The following NFS1 variants were observed in gnomAD, a reference collection of about 807,000 sequenced individuals.
The protein encoded by NFS1 is cysteine desulfurase.
Under a neutral mutation model 57.3 loss-of-function variants are expected in NFS1, and 26 were observed. The ratio of observed to expected loss-of-function variants is 0.45; its 90% CI spans 0.33 to 0.63. The LOEUF is 0.63. Ranked by LOEUF, NFS1 falls within the 20% of genes least tolerant of loss-of-function variation. The pLI is 0.02. For missense variants in NFS1, 505 were observed against 605.8 expected (o/e 0.83, Z 1.75); for synonymous variants, 209 against 216.3 (o/e 0.97, Z 0.30).
In NFS1 at chr20:35,669,584, G is replaced by A; in HGVS notation, c.*38C>T. ...GGTTGTGCACGGGTTGGTGAGGCAG[G>A]AGGGGCCAGACCAGCACAAAGTCAG... On this transcript the variant is annotated 3_prime_UTR_variant, in exon 13 of 13. Coordinates refer to ENST00000374092, the MANE Select transcript of NFS1 (RefSeq NM_021100.5). The A allele has an allele frequency of 6.3e-7, 1 of 1,599,878 alleles. No individual in the cohort carries two copies. Among genetic ancestry groups the A allele is most frequent in the Non-Finnish European group, 8.6e-7 (1 of 1,167,106 alleles).
At chr20:35,686,315 A>C (rs1451137787) in intron 5 of NFS1, among the ~76,000 whole-genome samples, 1 of 143,726 alleles carries the variant, frequency 7.0e-6, no homozygotes, top group African/African-American at 2.6e-5. Context: ...ATGCCATTGC[A>C]CTCCAGCCTG....
chr20:35,685,155 G>C (rs1012037856), intron 5 of NFS1, among the ~76,000 whole-genome samples: 2 of 150,936 alleles, frequency 1.3e-5, no homozygotes, highest in African/African-American at 2.5e-5. Flanking sequence ...CAAAGTGCTG[G>C]GATTATAGGC....
chr20:35,682,395 C>T (rs565098435), intron 5 of NFS1, among the ~76,000 whole-genome samples: 6 of 152,334 alleles, frequency 3.9e-5, no homozygotes, highest in African/African-American at 1.2e-4. Flanking sequence ...AGACGATTTT[C>T]GTACATCCAT....
chr20:35,676,855 G>A (rs1435944655), intron 7 of NFS1, among the ~76,000 whole-genome samples: 3 of 144,806 alleles, frequency 2.1e-5, no homozygotes, highest in Non-Finnish European at 3.0e-5. Context: ...GCAGACTTTT[G>A]TCTGTGCCTT....
intron 5 of NFS1, among the ~76,000 whole-genome samples, chr20:35,687,157 C>T (rs2034959130): frequency 6.6e-6 from 1 of 152,134 alleles, no homozygotes; most frequent in South Asian, 2.1e-4. Context: ...AAGGGAATCC[C>T]CCTTTCCCCG....
At chr20:35,698,656 A>C in intron 1 of NFS1, 66 bp from the exon 2 acceptor site, 1 of 1,508,824 alleles carries the variant, frequency 6.6e-7, no homozygotes, top group Non-Finnish European at 8.9e-7. Flanking sequence ...TGGCATCCAA[A>C]GGGCAGAAGG....
chr20:35,685,842 G>C, intron 5 of NFS1, among the ~76,000 whole-genome samples: 1 of 133,882 alleles, frequency 7.5e-6, no homozygotes, highest in African/African-American at 2.8e-5. Flanking sequence ...TGGGCAACAA[G>C]AGCGAAATTC....
intron 4 of NFS1, among the ~76,000 whole-genome samples, chr20:35,694,409 T>G (rs1406819341): frequency 1.3e-5 from 2 of 152,232 alleles, no homozygotes; most frequent in East Asian, 3.9e-4. Flanking sequence ...CCTCCCAAAG[T>G]GCTGGGATTA....
At chr20:35,679,230 C>T (rs953120666) in intron 7 of NFS1, among the ~76,000 whole-genome samples, 3 of 152,132 alleles carry the variant, frequency 2.0e-5, no homozygotes, top group South Asian at 4.1e-4. Flanking sequence ...TCTCGCCTGT[C>T]GCCCAGGCAG....
chr20:35,684,934 G>A (rs2034913088), intron 5 of NFS1, among the ~76,000 whole-genome samples: 2 of 150,762 alleles, frequency 1.3e-5, no homozygotes, highest in South Asian at 4.2e-4. Flanking sequence ...GTTTCCCAAG[G>A]TGGAGTGCAG....
rs145260730 is a variant in NFS1, at chr20:35,681,919, C to A, written c.624G>T (p.Glu208Asp). 32 of 1,612,852 alleles carry A rather than the reference C, an allele frequency of 2.0e-5. No individual in the cohort carries two copies. The highest frequency in any genetic ancestry group is 2.5e-5 in the Non-Finnish European group (30 of 1,179,020). ...SLVSVMTVNN[E>D]IGVKQPIAEI... The stretch of plus-strand genomic sequence containing the variant: ...CTGCAATAGGCTGCTTCACTCCAAT[C>A]TCATTGTTCACAGTCATGACTGACA... The change falls in exon 6 of 13, where the codon GAG (glutamate) becomes GAT (aspartate). Residue 208 changes from glutamate to aspartate, a missense_variant. Coordinates refer to ENST00000374092, the MANE Select transcript of NFS1 (RefSeq NM_021100.5).
intron 8 of NFS1, 26 bp downstream of exon 8, chr20:35,675,019 G>T (rs368538248): frequency 1.5e-5 from 24 of 1,613,666 alleles, no homozygotes; most frequent in Non-Finnish European, 2.0e-5. Flanking sequence ...GGAAGAAGTT[G>T]TGGGAGGGAA....
chr20:35,673,969 G>A (rs921386163), intron 10 of NFS1: 9 of 449,614 alleles, frequency 2.0e-5, no homozygotes, highest in Non-Finnish European at 3.7e-5. Context: ...AGACGCAGCA[G>A]AGGACCATGT....
chr20:35,679,528 T>A (rs768228759), intron 7 of NFS1, among the ~76,000 whole-genome samples: 5 of 152,152 alleles, frequency 3.3e-5, no homozygotes, highest in Admixed American at 6.5e-5. Context: ...AGGCACATGA[T>A]GAAGAATGGG....
At chr20:35,691,574 C>G (rs1263512128) in intron 4 of NFS1, among the ~76,000 whole-genome samples, 7 of 150,464 alleles carry the variant, frequency 4.7e-5, no homozygotes. Context: ...AACCCCATCT[C>G]TACTAAAAAT....
At chr20:35,682,033 A>AT in intron 5 of NFS1, 52 bp from the exon 6 acceptor site, 1 of 1,041,704 alleles carries the variant, frequency 9.6e-7, no homozygotes, top group Non-Finnish European at 1.5e-6. Flanking sequence ...AAGTCCTCCT[A>AT]AATCAGAATA....
chr20:35,696,271 G>T (rs775703071), intron 4 of NFS1, 106 bp downstream of exon 4: 9 of 769,928 alleles, frequency 1.2e-5, no homozygotes, highest in Admixed American at 7.4e-5. Flanking sequence ...TCACAATGGG[G>T]TGGGGATGGA....
intron 5 of NFS1, among the ~76,000 whole-genome samples, chr20:35,688,521 C>T (rs985543638): frequency 1.3e-5 from 2 of 152,146 alleles, no homozygotes; most frequent in Non-Finnish European, 1.5e-5. Context: ...CGTGCCACTG[C>T]ATTCCAGCCT....
At chr20:35,689,354 G>A (rs1355620136) in intron 5 of NFS1, among the ~76,000 whole-genome samples, 2 of 152,216 alleles carry the variant, frequency 1.3e-5, no homozygotes, top group Non-Finnish European at 2.9e-5. Context: ...GCCAGGCATG[G>A]CGGCTCATGC....
Sources: allele counts gnomAD v4.1 joint callset (sites outside exome capture counted in the v4.1 genomes callset), GRCh38; gene constraint gnomAD v4.1.1; transcripts MANE v1.5; gene names NCBI Gene and HGNC (gene_info 2026-07-23, HGNC 2026-07-21).